Variants in MEF2A observed in about 807,000 individuals in gnomAD.
MEF2A encodes myocyte enhancer factor 2A, also known as myocyte-specific enhancer factor 2A.
A neutral mutation model predicts 55.8 loss-of-function variants in MEF2A; 28 were observed. That is an observed-to-expected ratio of 0.50 (90% confidence interval 0.37 to 0.69). MEF2A has a LOEUF of 0.69. MEF2A is among the 30% of genes least tolerant of loss of function. MEF2A has a pLI of 0.00. For missense variants in MEF2A, 528 were observed against 626.2 expected, an observed-to-expected ratio of 0.84 and a Z score of 1.67; for synonymous variants, 239 against 227.1, an observed-to-expected ratio of 1.05 and a Z score of -0.47.
At chr15:99,662,468 C>A (rs1026335654) in intron 4 of MEF2A, among the ~76,000 whole-genome samples, 7 of 150,328 alleles carry the variant, frequency 4.7e-5, no homozygotes, top group African/African-American at 1.7e-4. Flanking sequence ...GACATGATTT[C>A]TTTTTTCCTC....
At position 99,648,007 on chromosome 15, in the gene MEF2A, C is replaced by T. The variant is rs542011921; in HGVS notation, c.258+2243C>T. Among the ~76,000 whole-genome samples, 24 of 152,206 alleles carry T rather than the reference C, an allele frequency of 1.6e-4. No homozygotes were observed. The East Asian group carries it at 2.9e-3, about 18-fold the overall frequency. On this transcript the variant is annotated intron_variant, in intron 4 of 11. Transcript: ENST00000557942. ...CTTCACTAGTAGTGCAATTCACATA[C>T]GAGTTCTTTTTGCCAGTAGTGTAAT...
rs145788931 is a variant in MEF2A, at chr15:99,711,461, G to A, written c.1136+701G>A. 8.4e-3 allele frequency among the ~76,000 whole-genome samples: 1,272 copies of A among 152,302 alleles called. 56 individuals carry two copies. The highest frequency in any genetic ancestry group is 0.071 in the Admixed American group (1,080 of 15,302). ...ATGAGGCCAGACATCCCTGACAGCC[G>A]GGAGAAAGAACAGGGCTTTTGTGGA... On this transcript the variant is annotated intron_variant, in intron 11 of 11. Transcript: ENST00000557942.
At chr15:99,707,206 C>T (rs142470270) in intron 10 of MEF2A, among the ~76,000 whole-genome samples, 2 of 152,290 alleles carry the variant, frequency 1.3e-5, no homozygotes, top group East Asian at 3.9e-4. Flanking sequence ...TACAGTATCA[C>T]GCTTTTCCAG....
chr15:99,675,655 A>T (rs1427759218), intron 7 of MEF2A, among the ~76,000 whole-genome samples, 197 bp downstream of exon 7: 1 of 152,228 alleles, frequency 6.6e-6, no homozygotes, highest in South Asian at 2.1e-4. Context: ...AAACTACTCT[A>T]TCTTACAACA....
chr15:99,711,635 C>T (rs1597348174), intron 11 of MEF2A, among the ~76,000 whole-genome samples: 2 of 152,326 alleles, frequency 1.3e-5, no homozygotes, highest in South Asian at 2.1e-4. Flanking sequence ...AGCCTCTGCC[C>T]AGGAAGTCCC....
At chr15:99,606,174 C>T (rs1258222215) in intron 2 of MEF2A, among the ~76,000 whole-genome samples, 1 of 151,942 alleles carries the variant, frequency 6.6e-6, no homozygotes, top group Non-Finnish European at 1.5e-5. Context: ...GTCAATAAAT[C>T]GTCCTGGAAC....
intron 4 of MEF2A, among the ~76,000 whole-genome samples, chr15:99,655,591 T>C (rs569319813): frequency 2.6e-5 from 4 of 152,240 alleles, no homozygotes; most frequent in African/African-American, 9.6e-5. Flanking sequence ...TGTGTAGCTT[T>C]TAAAACTAAA....
At chr15:99,596,415 T>C (rs1056324465) in intron 1 of MEF2A, among the ~76,000 whole-genome samples, 1 of 152,188 alleles carries the variant, frequency 6.6e-6, no homozygotes, top group African/African-American at 2.4e-5. Flanking sequence ...AAAACTTGTT[T>C]ATGTGTTTTT....
chr15:99,701,450 G>C (rs942725731), intron 8 of MEF2A, among the ~76,000 whole-genome samples: 4 of 152,222 alleles, frequency 2.6e-5, no homozygotes, highest in East Asian at 1.9e-4. Context: ...AACTGTCACA[G>C]AGCAGAGGAG....
At chr15:99,590,865 T>C (rs1969038346) in intron 1 of MEF2A, among the ~76,000 whole-genome samples, 1 of 152,180 alleles carries the variant, frequency 6.6e-6, no homozygotes, top group South Asian at 2.1e-4. Flanking sequence ...AATATCTTCT[T>C]AAAACTTAAA....
chr15:99,583,146 C>T (rs533193677), intron 1 of MEF2A, among the ~76,000 whole-genome samples: 1 of 152,108 alleles, frequency 6.6e-6, no homozygotes, highest in East Asian at 1.9e-4. Flanking sequence ...TCCGTTAGTT[C>T]AGGTGCTTTT....
At chr15:99,660,149 T>C (rs904398868) in intron 4 of MEF2A, among the ~76,000 whole-genome samples, 1 of 152,204 alleles carries the variant, frequency 6.6e-6, no homozygotes, top group African/African-American at 2.4e-5. Flanking sequence ...TGTGAAAGTC[T>C]TCAGCAAAAT....
At position 99,715,895 on chromosome 15, in the gene MEF2A, T is replaced by A. The variant is rs1045074052; in HGVS notation, c.*3124T>A. 21 of 152,540 alleles carry A rather than the reference T, an allele frequency of 1.4e-4. No homozygotes were observed. The highest frequency in any genetic ancestry group is 5.1e-4 in the African/African-American group (21 of 41,584). 9.4% of individuals were successfully genotyped at this position (152,540 alleles called of 1,614,324 possible). A position where few individuals can be genotyped will look rare whatever the true frequency, so the allele number is the denominator to read the frequency against. ...TCTTTTGAGCCCAATTATGTCCATT[T>A]TGTTATAGACTAAATCAGGGGTTTG... On this transcript the variant is annotated 3_prime_UTR_variant, in exon 12 of 12. Coordinates refer to ENST00000557942, the MANE Select transcript of MEF2A (RefSeq NM_001319206.4).
intron 4 of MEF2A, among the ~76,000 whole-genome samples, chr15:99,653,582 G>A (rs2047207130): frequency 6.6e-6 from 1 of 152,068 alleles, no homozygotes; most frequent in Non-Finnish European, 1.5e-5. Flanking sequence ...TGTATGCTAA[G>A]GGTATTTTAT....
chr15:99,648,285 A>C (rs1194389268), intron 4 of MEF2A, among the ~76,000 whole-genome samples: 1 of 152,100 alleles, frequency 6.6e-6, no homozygotes, highest in African/African-American at 2.4e-5. Context: ...AGGGGGTTCT[A>C]TGTGCTTTGC....
chr15:99,626,331 T>G (rs904168821), intron 2 of MEF2A, among the ~76,000 whole-genome samples: 1 of 152,160 alleles, frequency 6.6e-6, no homozygotes, highest in Non-Finnish European at 1.5e-5. Context: ...CATTTCTGAT[T>G]TTAGTAATTT....
At position 99,710,698 on chromosome 15, in the gene MEF2A, G is replaced by A. The variant is rs769897598; in HGVS notation, c.1074G>A (p.Ser358=). 1.9e-5 allele frequency: 30 copies of A among 1,613,362 alleles called. No homozygotes were observed. The highest frequency in any genetic ancestry group is 2.3e-5 in the Non-Finnish European group (27 of 1,179,438). Reference sequence around the variant, plus strand: ...GCTTCAACTCGCCAGGAATGCTGTCGCTGGGACAGGTGTCGGCCTGGCAGC... The same window carrying A: ...GCTTCAACTCGCCAGGAATGCTGTCACTGGGACAGGTGTCGGCCTGGCAGC... ...LQGFNSPGML[S]LGQVSAWQQH... is the part of the protein sequence containing the mutation. The change falls in exon 11 of 12, where the codon TCG becomes TCA. Residue 358 remains serine, a synonymous_variant. Transcript: ENST00000557942.
At chr15:99,708,551 T>C (rs1039472572) in intron 10 of MEF2A, among the ~76,000 whole-genome samples, 1 of 152,238 alleles carries the variant, frequency 6.6e-6, no homozygotes, top group African/African-American at 2.4e-5. Flanking sequence ...ACCGACTTTA[T>C]CTTTCTTCTC....
Position 99,698,614 on chromosome 15 carries a change from G to A in MEF2A, c.859-4748G>A, listed in dbSNP as rs376420986. 3.3e-5 allele frequency among the ~76,000 whole-genome samples: 5 copies of A among 151,912 alleles called. No homozygotes were observed. The South Asian group carries it at 6.2e-4, about 19-fold the overall frequency. Reference sequence around the variant, plus strand: ...TCGAGACCAGCCTGATCAACATGGAGAAACCCCATCTCTACTAAAAATACA... The same window carrying A: ...TCGAGACCAGCCTGATCAACATGGAAAAACCCCATCTCTACTAAAAATACA... On this transcript the variant is annotated intron_variant, in intron 8 of 11. Coordinates refer to ENST00000557942, the MANE Select transcript of MEF2A (RefSeq NM_001319206.4).
Sources: allele counts gnomAD v4.1 joint callset (sites outside exome capture counted in the v4.1 genomes callset), GRCh38; gene constraint gnomAD v4.1.1; transcripts MANE v1.5; gene names NCBI Gene and HGNC (gene_info 2026-07-23, HGNC 2026-07-21).